Variants in NRG1 observed in about 807,000 individuals in gnomAD.
NRG1 encodes the protein pro-neuregulin-1, membrane-bound isoform.
A neutral mutation model predicts 63.8 loss-of-function variants in NRG1; 18 were observed. The observed-to-expected ratio is 0.28, with a 90% CI of 0.19 to 0.42. The LOEUF is 0.42. Among genes scored for constraint, NRG1 ranks in the 10% least tolerant of loss-of-function variants. The probability of loss-of-function intolerance (pLI) is 1.00; values close to 1 mark genes in which losing one functional copy is unlikely to be tolerated. For missense variants in NRG1, 762 were observed against 814.7 expected (o/e 0.94, Z 0.79); for synonymous variants, 302 against 301.3 (o/e 1.00, Z -0.02).
chr8:32,116,780 A>G lies in NRG1; in HGVS notation c.37+477349A>G, dbSNP rs374755739. On this transcript the variant is annotated intron_variant, in intron 1 of 10. Transcript: ENST00000519301. ...GCATGCTTCTATAGCTGGCTACTTC[A>G]TCAAACTTAATGGAACCATATTTTG... 6.6e-5 allele frequency among the ~76,000 whole-genome samples: 10 copies of G among 152,220 alleles called. No individual in the cohort carries two copies. The East Asian group carries it at 1.2e-3, about 18-fold the overall frequency.
chr8:31,704,624 A>G (rs1010501674), intron 1 of NRG1, among the ~76,000 whole-genome samples: 1 of 151,966 alleles, frequency 6.6e-6, no homozygotes, highest in Non-Finnish European at 1.5e-5. Flanking sequence ...TGAGGTCAGG[A>G]GATCGAGACC....
At chr8:32,220,738 C>A (rs1433554650) in intron 1 of NRG1, among the ~76,000 whole-genome samples, 1 of 152,194 alleles carries the variant, frequency 6.6e-6, no homozygotes, top group Admixed American at 6.5e-5. Flanking sequence ...CCCCCAGCAA[C>A]GCCCCTCCCG....
chr8:32,655,506 G>T (rs529070905), intron 5 of NRG1, among the ~76,000 whole-genome samples: 2 of 152,232 alleles, frequency 1.3e-5, no homozygotes, highest in South Asian at 4.1e-4. Context: ...TTCCTTCTTT[G>T]CCCTTTCTAT....
intron 1 of NRG1, among the ~76,000 whole-genome samples, chr8:31,892,903 A>G (rs1476712823): frequency 6.6e-6 from 1 of 152,162 alleles, no homozygotes; most frequent in East Asian, 1.9e-4. Context: ...AAAAATATAT[A>G]TAATTCATCT....
At chr8:32,586,848 A>C (rs922909647) in intron 1 of NRG1, among the ~76,000 whole-genome samples, 1 of 152,202 alleles carries the variant, frequency 6.6e-6, no homozygotes, top group African/African-American at 2.4e-5. Context: ...GCACATTAAC[A>C]GTTAAGGGAG....
At chr8:32,447,307 G>A (rs1308294958) in intron 1 of NRG1, among the ~76,000 whole-genome samples, 2 of 152,142 alleles carry the variant, frequency 1.3e-5, no homozygotes, top group East Asian at 1.9e-4. Context: ...ATAGGCATAA[G>A]CCACCTTGCT....
At chr8:32,737,768 C>G (rs562323448) in intron 6 of NRG1, among the ~76,000 whole-genome samples, 1 of 148,280 alleles carries the variant, frequency 6.7e-6, no homozygotes, top group South Asian at 2.2e-4. Context: ...CCTCCGCCTT[C>G]TGGGTTCAAG....
intron 1 of NRG1, among the ~76,000 whole-genome samples, chr8:32,494,004 A>G (rs1826907502): frequency 6.6e-6 from 1 of 152,214 alleles, no homozygotes; most frequent in Non-Finnish European, 1.5e-5. Flanking sequence ...TTCCTTAATA[A>G]GCAGTCACCT....
intron 1 of NRG1, among the ~76,000 whole-genome samples, chr8:31,660,492 C>T (rs923253134): frequency 2.6e-5 from 4 of 152,148 alleles, no homozygotes; most frequent in Non-Finnish European, 5.9e-5. Flanking sequence ...AGATGATTTG[C>T]AGAAGAATGT....
intron 1 of NRG1, among the ~76,000 whole-genome samples, chr8:32,398,423 T>G (rs1812722090): frequency 6.6e-6 from 1 of 151,882 alleles, no homozygotes; most frequent in Admixed American, 6.6e-5. Flanking sequence ...TTTTTTTTTT[T>G]TTTTTAAGAC....
intron 1 of NRG1, among the ~76,000 whole-genome samples, chr8:31,872,287 GC>G (rs1202549836): frequency 6.6e-6 from 1 of 152,130 alleles, no homozygotes; most frequent in African/African-American, 2.4e-5. Context: ...CTTTCTGACA[GC>G]CCTTCCACTT....
chr8:31,990,090 T>C (rs1275530966), intron 1 of NRG1, among the ~76,000 whole-genome samples: 3 of 152,146 alleles, frequency 2.0e-5, no homozygotes, highest in Admixed American at 1.3e-4. Flanking sequence ...CGGTACCAGA[T>C]ACACAGCTCA....
At chr8:31,667,986 G>A (rs1404906404) in intron 1 of NRG1, among the ~76,000 whole-genome samples, 2 of 152,078 alleles carry the variant, frequency 1.3e-5, no homozygotes, top group Non-Finnish European at 2.9e-5. Context: ...AAAATAAAAT[G>A]ATGGGGTTAA....
intron 1 of NRG1, among the ~76,000 whole-genome samples, chr8:32,099,207 TGTA>T (rs1421988672): frequency 6.6e-6 from 1 of 152,174 alleles, no homozygotes; most frequent in Non-Finnish European, 1.5e-5. Context: ...ATGCCAAAGT[TGTA>T]GTAAGCTAAC....
At chr8:32,607,039 A>G (rs544543133) in intron 3 of NRG1, among the ~76,000 whole-genome samples, 1 of 152,120 alleles carries the variant, frequency 6.6e-6, no homozygotes, top group Non-Finnish European at 1.5e-5. Context: ...TTCATTTTAA[A>G]TGTCTCCCTC....
chr8:31,814,615 G>A (rs918854717), intron 1 of NRG1, among the ~76,000 whole-genome samples: 2 of 150,870 alleles, frequency 1.3e-5, no homozygotes, highest in African/African-American at 2.4e-5. Flanking sequence ...GCCACTGTCC[G>A]TGTTTCCCCT....
At chr8:31,646,414 A>G (rs1297738778) in intron 1 of NRG1, among the ~76,000 whole-genome samples, 1 of 152,248 alleles carries the variant, frequency 6.6e-6, no homozygotes, top group Non-Finnish European at 1.5e-5. Flanking sequence ...TGATGAGGGC[A>G]CTAGAGTCTT....
In NRG1 at chr8:31,696,594, G is replaced by A. The variant is rs1167956767; in HGVS notation, c.37+57163G>A. 2.6e-5 allele frequency among the ~76,000 whole-genome samples: 4 copies of A among 152,196 alleles called. No homozygotes were observed. The South Asian group carries it at 6.2e-4, about 24-fold the overall frequency. ...GGACCTGATGTGTCTTGGGTGTAAA[G>A]TATACCCATTATATAATCCTAACAG... is the stretch of plus-strand genomic sequence containing the variant. On this transcript the variant is annotated intron_variant, in intron 1 of 10. Coordinates refer to the NRG1 transcript ENST00000519301.
chr8:32,278,246 A>G (rs945426556), intron 1 of NRG1, among the ~76,000 whole-genome samples: 3 of 152,222 alleles, frequency 2.0e-5, no homozygotes, highest in African/African-American at 7.2e-5. Flanking sequence ...AATGGCTCAG[A>G]AATGAGAAAC....
Sources: gnomAD v4.1 joint callset for allele counts (sites outside exome capture counted in the v4.1 genomes callset) on GRCh38, gnomAD v4.1.1 for gene constraint, MANE v1.5 for transcripts, NCBI Gene and HGNC (gene_info 2026-07-23, HGNC 2026-07-21) for gene names.